The following COL5A2 variants were observed in gnomAD, a reference collection of about 807,000 sequenced individuals.
COL5A2 encodes collagen alpha-2(V) chain.
In COL5A2, 23 loss-of-function variants were observed where a neutral mutation model predicts 208.2. The ratio of observed to expected loss-of-function variants is 0.11; its 90% CI spans 0.08 to 0.16. The LOEUF is 0.16. COL5A2 is among the 10% of genes least tolerant of loss of function. The pLI, the probability that COL5A2 is intolerant of heterozygous loss-of-function variation, is 1.00. For missense variants in COL5A2, 1,590 were observed against 1,956.4 expected (o/e 0.81, Z 3.53); for synonymous variants, 625 against 628.5 (o/e 0.99, Z 0.08).
the COL5A2 span, among the ~76,000 whole-genome samples, chr2:189,387,075 C>A: frequency 6.6e-6 from 1 of 152,072 alleles, no homozygotes; most frequent in Admixed American, 6.6e-5. Context: ...AGGTGCCCAT[C>A]AATGGTGGAC....
chr2:189,337,359 T>A, the COL5A2 span, among the ~76,000 whole-genome samples: 1 of 151,828 alleles, frequency 6.6e-6, no homozygotes, highest in East Asian at 1.9e-4. Context: ...ATTTTTTGTA[T>A]TTTTAGTAGA....
intron 1 of COL5A2, among the ~76,000 whole-genome samples, chr2:189,210,948 A>G (rs1285915677): frequency 6.6e-6 from 1 of 152,168 alleles, no homozygotes; most frequent in African/African-American, 2.4e-5. Context: ...TGATTTCCCC[A>G]GGATTTTTTT....
chr2:189,260,586 T>C, the COL5A2 span, among the ~76,000 whole-genome samples: 2 of 150,228 alleles, frequency 1.3e-5, no homozygotes, highest in African/African-American at 4.9e-5. Flanking sequence ...ACAAAAAACC[T>C]ACTGCCTGTG....
chr2:189,394,818 T>C, the COL5A2 span, among the ~76,000 whole-genome samples: 1 of 152,230 alleles, frequency 6.6e-6, no homozygotes, highest in Non-Finnish European at 1.5e-5. Context: ...AAGATAATTC[T>C]ATCTAATTGA....
intron 1 of COL5A2, among the ~76,000 whole-genome samples, chr2:189,177,670 G>A (rs558338215): frequency 2.0e-5 from 3 of 151,960 alleles, no homozygotes; most frequent in African/African-American, 2.4e-5. Context: ...TACTGTTCGC[G>A]GGGGGTACTG....
chr2:189,361,820 A>G, the COL5A2 span, among the ~76,000 whole-genome samples: 1 of 152,098 alleles, frequency 6.6e-6, no homozygotes, highest in African/African-American at 2.4e-5. Flanking sequence ...TACAAAAAGC[A>G]CATTATAACA....
At chr2:189,374,782 T>C in the COL5A2 span, among the ~76,000 whole-genome samples, 1 of 152,196 alleles carries the variant, frequency 6.6e-6, no homozygotes, top group Non-Finnish European at 1.5e-5. Flanking sequence ...CTAAAGATTC[T>C]ATGAATGAAC....
chr2:189,104,236 A>C, intron 3 of COL5A2, 28 bp downstream of exon 3: 1 of 1,484,148 alleles, frequency 6.7e-7, no homozygotes, highest in East Asian at 2.3e-5. Flanking sequence ...CTGCTTATGA[A>C]AAAGAAAATA....
intron 1 of COL5A2, among the ~76,000 whole-genome samples, chr2:189,166,521 C>T (rs937372013): frequency 6.6e-6 from 1 of 152,224 alleles, no homozygotes; most frequent in South Asian, 2.1e-4. Flanking sequence ...ACTCAAAATC[C>T]CTCTTCAGAA....
At chr2:189,265,121 A>G in the COL5A2 span, among the ~76,000 whole-genome samples, 1 of 152,202 alleles carries the variant, frequency 6.6e-6, no homozygotes, top group African/African-American at 2.4e-5. Context: ...AGACCTAAGT[A>G]TTATAAGAAC....
intron 2 of COL5A2, among the ~76,000 whole-genome samples, chr2:189,106,494 T>G (rs1438991402): frequency 6.6e-6 from 1 of 151,352 alleles, no homozygotes; most frequent in African/African-American, 2.4e-5. Context: ...TGTAGTTTTA[T>G]TTTTACTCAA....
At chr2:189,351,158 G>C in the COL5A2 span, among the ~76,000 whole-genome samples, 2 of 152,066 alleles carry the variant, frequency 1.3e-5, no homozygotes, top group Non-Finnish European at 2.9e-5. Context: ...CTAAATTCTG[G>C]AGTTAACTAC....
the COL5A2 span, among the ~76,000 whole-genome samples, chr2:189,250,666 A>G: frequency 6.6e-6 from 1 of 152,110 alleles, no homozygotes; most frequent in African/African-American, 2.4e-5. Flanking sequence ...GTTCCACTTT[A>G]GCACTTAATT....
intron 1 of COL5A2, among the ~76,000 whole-genome samples, chr2:189,212,232 A>G (rs1689222386): frequency 6.6e-6 from 1 of 152,182 alleles, no homozygotes. Flanking sequence ...TGCCACCTCT[A>G]TACCTTGAGA....
At chr2:189,219,902 C>T (rs563739830) in intron 1 of COL5A2, among the ~76,000 whole-genome samples, 6 of 152,006 alleles carry the variant, frequency 3.9e-5, no homozygotes, top group East Asian at 3.9e-4. Flanking sequence ...AAGTGTTCTT[C>T]GCTGAGTTTA....
chr2:189,343,052 A>G, the COL5A2 span, among the ~76,000 whole-genome samples: 2 of 152,006 alleles, frequency 1.3e-5, no homozygotes, highest in Non-Finnish European at 2.9e-5. Context: ...TCATCTTTCT[A>G]TTTTCTCTGT....
chr2:189,208,312 A>G (rs1431377667), intron 1 of COL5A2, among the ~76,000 whole-genome samples: 1 of 152,230 alleles, frequency 6.6e-6, no homozygotes, highest in African/African-American at 2.4e-5. Context: ...TCCATTACAT[A>G]ATAAGGAGTC....
chr2:189,379,253 TA>T, the COL5A2 span, among the ~76,000 whole-genome samples: 5 of 151,966 alleles, frequency 3.3e-5, no homozygotes, highest in Non-Finnish European at 7.4e-5. Flanking sequence ...ACTTTTGATT[TA>T]AAAAAAATGA....
chr2:189,406,577 G>T, the COL5A2 span, among the ~76,000 whole-genome samples: 3 of 152,190 alleles, frequency 2.0e-5, no homozygotes, highest in Admixed American at 6.5e-5. Context: ...GCTCTTATGA[G>T]AAAATTTCTA....
Sources: gnomAD v4.1 joint callset for allele counts (sites outside exome capture counted in the v4.1 genomes callset) on GRCh38, gnomAD v4.1.1 for gene constraint, MANE v1.5 for transcripts, NCBI Gene and HGNC (gene_info 2026-07-23, HGNC 2026-07-21) for gene names.